COX7B2: variants seen among roughly 807,000 people sequenced by gnomAD.
The protein encoded by COX7B2 is cytochrome c oxidase subunit 7B2, mitochondrial.
For synonymous variants in COX7B2, 37 were observed against 32.1 expected, an observed-to-expected ratio of 1.15 and a Z score of -0.51; for missense variants, 109 against 95.9, an observed-to-expected ratio of 1.14 and a Z score of -0.57.
intron 2 of COX7B2, among the ~76,000 whole-genome samples, chr4:46,803,394 A>G (rs1285111716): frequency 6.6e-6 from 1 of 152,170 alleles, no homozygotes; most frequent in African/African-American, 2.4e-5. Context: ...TAAAATAATT[A>G]TTTGTTGTAT....
At chr4:46,873,129 A>G (rs1718103141) in intron 1 of COX7B2, among the ~76,000 whole-genome samples, 1 of 152,096 alleles carries the variant, frequency 6.6e-6, no homozygotes, top group Admixed American at 6.5e-5. Flanking sequence ...AGCTTCATCC[A>G]TGTCCCTGCA....
At chr4:46,850,486 T>C (rs191574381) in intron 1 of COX7B2, among the ~76,000 whole-genome samples, 1 of 152,136 alleles carries the variant, frequency 6.6e-6, no homozygotes, top group African/African-American at 2.4e-5. Context: ...CACAATGTAT[T>C]CAAATAATAT....
At chr4:46,868,737 G>C (rs1276147129) in intron 1 of COX7B2, among the ~76,000 whole-genome samples, 1 of 152,180 alleles carries the variant, frequency 6.6e-6, no homozygotes, top group African/African-American at 2.4e-5. Flanking sequence ...CCAAAAGTGT[G>C]TTTGGTATGA....
chr4:46,774,897 G>A (rs1297286729), intron 2 of COX7B2, among the ~76,000 whole-genome samples: 5 of 151,990 alleles, frequency 3.3e-5, no homozygotes, highest in Non-Finnish European at 7.4e-5. Context: ...CAATTTTAAA[G>A]CAAGTTATTC....
chr4:46,811,067 C>A (rs1719260859), intron 2 of COX7B2, among the ~76,000 whole-genome samples: 1 of 152,112 alleles, frequency 6.6e-6, no homozygotes, highest in African/African-American at 2.4e-5. Flanking sequence ...TCTCTTACTG[C>A]TTTTAAAATT....
At chr4:46,876,334 T>C (rs1718330243) in intron 1 of COX7B2, among the ~76,000 whole-genome samples, 1 of 152,072 alleles carries the variant, frequency 6.6e-6, no homozygotes, top group Non-Finnish European at 1.5e-5. Flanking sequence ...TAATATTTCA[T>C]TGTATCTCTT....
chr4:46,821,627 T>C (rs774988760), intron 2 of COX7B2, among the ~76,000 whole-genome samples: 12 of 152,192 alleles, frequency 7.9e-5, no homozygotes, highest in Non-Finnish European at 1.3e-4. Context: ...ACTACACATG[T>C]AGGAAGGAGA....
intron 2 of COX7B2, 29 bp from the exon 3 acceptor site, chr4:46,735,270 T>C (rs949664058): frequency 1.8e-5 from 27 of 1,494,010 alleles, no homozygotes; most frequent in Non-Finnish European, 2.3e-5. Flanking sequence ...TATGCATTGA[T>C]GTCCAATCTT....
chr4:46,890,327 C>A (rs1719357762), intron 1 of COX7B2, among the ~76,000 whole-genome samples: 1 of 152,174 alleles, frequency 6.6e-6, no homozygotes, highest in Admixed American at 6.5e-5. Flanking sequence ...TGGCCATATT[C>A]TTTTTGCCTA....
chr4:46,771,566 A>G (rs1477211318), intron 2 of COX7B2, among the ~76,000 whole-genome samples: 1 of 151,978 alleles, frequency 6.6e-6, no homozygotes, highest in East Asian at 1.9e-4. Flanking sequence ...TTTTATTTGG[A>G]ATAGTTGCTT....
In COX7B2 at chr4:46,846,913, G is replaced by GA. The variant is rs890027668; in HGVS notation, c.-104-1900dup. On this transcript the variant is annotated intron_variant, in intron 1 of 2. Transcript: ENST00000355591. ...ATTTAGTGAGGCTAGAAGAGTGTGG[G>GA]AAAAAACAGGTGATTGGTGGGAAAT... Among the ~76,000 whole-genome samples the GA allele has an allele frequency of 7.9e-5, 12 of 151,854 alleles. No homozygotes were observed. In the East Asian group the frequency reaches 1.9e-3, roughly 25 times the overall value.
At chr4:46,802,561 C>T (rs1718713295) in intron 2 of COX7B2, among the ~76,000 whole-genome samples, 1 of 152,036 alleles carries the variant, frequency 6.6e-6, no homozygotes, top group South Asian at 2.1e-4. Context: ...AATCACCTTC[C>T]AGAAACATTG....
intron 1 of COX7B2, among the ~76,000 whole-genome samples, chr4:46,896,680 A>G (rs1260021341): frequency 6.6e-6 from 1 of 152,192 alleles, no homozygotes; most frequent in African/African-American, 2.4e-5. Flanking sequence ...AGAATCCTTA[A>G]TAGAAGTAAA....
At chr4:46,869,719 T>C (rs1046744610) in intron 1 of COX7B2, among the ~76,000 whole-genome samples, 4 of 152,180 alleles carry the variant, frequency 2.6e-5, no homozygotes, top group Admixed American at 1.3e-4. Context: ...TTCTGGCTTG[T>C]AGGATTTCAG....
chr4:46,849,829 C>A (rs1716547569), intron 1 of COX7B2, among the ~76,000 whole-genome samples: 1 of 151,872 alleles, frequency 6.6e-6, no homozygotes, highest in South Asian at 2.1e-4. Context: ...AAATGCTATC[C>A]CTCCCCGCTC....
intron 1 of COX7B2, among the ~76,000 whole-genome samples, chr4:46,904,620 A>T (rs1377137290): frequency 6.6e-6 from 1 of 152,208 alleles, no homozygotes; most frequent in East Asian, 1.9e-4. Flanking sequence ...ATACAGGGAG[A>T]AATTTGGTAA....
At chr4:46,813,427 A>T (rs888028287) in intron 2 of COX7B2, among the ~76,000 whole-genome samples, 4 of 152,206 alleles carry the variant, frequency 2.6e-5, no homozygotes, top group African/African-American at 9.7e-5. Flanking sequence ...TAATGAAAGC[A>T]AACATAGATC....
At chr4:46,873,934 G>T (rs937918816) in intron 1 of COX7B2, among the ~76,000 whole-genome samples, 2 of 152,036 alleles carry the variant, frequency 1.3e-5, no homozygotes, top group East Asian at 3.9e-4. Context: ...TTTAAGTAGA[G>T]GTATTATTTT....
At chr4:46,768,796 C>A (rs1716700737) in intron 2 of COX7B2, among the ~76,000 whole-genome samples, 2 of 152,020 alleles carry the variant, frequency 1.3e-5, no homozygotes, top group Admixed American at 1.3e-4. Context: ...AATTAGTTTT[C>A]TGCAAAGATA....
Sources: allele counts gnomAD v4.1 joint callset (sites outside exome capture counted in the v4.1 genomes callset), GRCh38; gene constraint gnomAD v4.1.1; transcripts MANE v1.5; gene names NCBI Gene and HGNC (gene_info 2026-07-23, HGNC 2026-07-21).